RTL4: variants seen among roughly 807,000 people sequenced by gnomAD.
RTL4 encodes the protein retrotransposon Gag-like protein 4.
RTL4 carries 4 observed loss-of-function variants against 5.3 expected under a neutral mutation model. That is an observed-to-expected ratio of 0.75 (90% CI 0.37 to 1.72). RTL4 has a LOEUF of 1.72. RTL4 is among the 40% of genes most tolerant of loss of function. RTL4 has a pLI of 0.04. For synonymous variants in RTL4, 98 were observed against 87.3 expected, an observed-to-expected ratio of 1.12 and a Z score of -0.68; for missense variants, 260 against 227.1, an observed-to-expected ratio of 1.14 and a Z score of -0.93.
the RTL4 span, among the ~76,000 whole-genome samples, chrX:112,209,809 T>C: frequency 8.9e-6 from 1 of 111,747 alleles, no homozygotes; most frequent in Non-Finnish European, 1.9e-5. Flanking sequence ...TGATGACCCA[T>C]AGCCAAATGT....
chrX:112,092,031 A>G, the RTL4 span, among the ~76,000 whole-genome samples: 1 of 111,612 alleles, frequency 9.0e-6, no homozygotes, highest in Admixed American at 9.5e-5. Context: ...AGATATTATT[A>G]TAGGTATCCT....
chrX:112,448,912 G>A, the RTL4 span, among the ~76,000 whole-genome samples: 1 of 112,073 alleles, frequency 8.9e-6, no homozygotes, highest in African/African-American at 3.2e-5. Flanking sequence ...CACAGACCAT[G>A]AAGCCCATGG....
chrX:112,305,374 A>G, the RTL4 span, among the ~76,000 whole-genome samples: 2 of 103,964 alleles, frequency 1.9e-5, no homozygotes, highest in Non-Finnish European at 3.9e-5. Context: ...TTATTTATTT[A>G]TTTTTTGAGA....
At chrX:112,211,212 A>G in the RTL4 span, among the ~76,000 whole-genome samples, 1 of 112,086 alleles carries the variant, frequency 8.9e-6, no homozygotes, top group Non-Finnish European at 1.9e-5. Flanking sequence ...AATCAGAAAA[A>G]TGTTCATTTA....
the RTL4 span, among the ~76,000 whole-genome samples, chrX:112,415,559 GTTAGAAATTACTATTGTGTATATACC>G: frequency 3.6e-5 from 4 of 110,381 alleles, no homozygotes. Flanking sequence ...TGTTGTATAC[GTTAGAAATTACTATTGTGTATATACC>G]TTAGAAATTA....
At chrX:112,455,849 A>G (rs758858138) in exon 1 of RTL4, 6 of 421,894 alleles carry the variant, frequency 1.4e-5, no homozygotes, top group Non-Finnish European at 2.4e-5. Context: ...ACGAAACCTA[A>G]CCCGAGAATG....
the RTL4 span, among the ~76,000 whole-genome samples, chrX:112,330,439 C>T: frequency 9.1e-6 from 1 of 109,453 alleles, no homozygotes; most frequent in African/African-American, 3.4e-5. Context: ...CCTAGGAATC[C>T]AATTTACAAG....
chrX:112,225,220 CCTA>C, the RTL4 span, among the ~76,000 whole-genome samples: 2 of 111,552 alleles, frequency 1.8e-5, no homozygotes, highest in Admixed American at 9.6e-5. Flanking sequence ...ACGCTCCAAA[CCTA>C]CCTCTTTTTC....
At chrX:112,419,991 G>A in the RTL4 span, among the ~76,000 whole-genome samples, 1 of 110,763 alleles carries the variant, frequency 9.0e-6, no homozygotes, top group Non-Finnish European at 1.9e-5. Flanking sequence ...TTTCTTCTCT[G>A]AGAAGATCTA....
chrX:112,264,983 C>T, the RTL4 span, among the ~76,000 whole-genome samples: 3 of 112,327 alleles, frequency 2.7e-5, no homozygotes, highest in Non-Finnish European at 3.8e-5. Context: ...AGGCCAGTCT[C>T]GGCTTGGGGG....
the RTL4 span, among the ~76,000 whole-genome samples, chrX:112,233,177 C>T: frequency 8.9e-6 from 1 of 111,944 alleles, no homozygotes; most frequent in Non-Finnish European, 1.9e-5. Flanking sequence ...CACCTACCAA[C>T]AGAGTGTAAA....
the RTL4 span, among the ~76,000 whole-genome samples, chrX:112,358,186 A>T: frequency 9.1e-6 from 1 of 110,091 alleles, no homozygotes; most frequent in Non-Finnish European, 1.9e-5. Flanking sequence ...CTGCAGATTC[A>T]ACTTCTGGGG....
At chrX:112,318,063 A>C in the RTL4 span, among the ~76,000 whole-genome samples, 1 of 112,069 alleles carries the variant, frequency 8.9e-6, no homozygotes, top group Non-Finnish European at 1.9e-5. Flanking sequence ...GTGTGTGTCA[A>C]GCAAAACATC....
upstream of RTL4, chrX:112,454,477 A>G (rs1429789390): frequency 1.5e-5 from 5 of 331,958 alleles, no homozygotes; most frequent in Admixed American, 2.7e-4. Context: ...GTTCTAAGGT[A>G]ACTTATTTCT....
the RTL4 span, chrX:112,319,958 T>C: frequency 4.4e-5 from 5 of 113,004 alleles, no homozygotes; most frequent in Non-Finnish European, 9.4e-5. Flanking sequence ...AAATTGAAAC[T>C]TGGGGAAAGA....
chrX:112,140,650 A>T, the RTL4 span, among the ~76,000 whole-genome samples: 204 of 111,039 alleles, frequency 1.8e-3, 2 homozygotes, highest in African/African-American at 6.5e-3. Context: ...AATCCCATTC[A>T]TGAGGGCTCT....
chrX:112,292,578 C>A, the RTL4 span, among the ~76,000 whole-genome samples: 1 of 111,623 alleles, frequency 9.0e-6, no homozygotes, highest in Non-Finnish European at 1.9e-5. Context: ...TGATTCCTTA[C>A]CTAAAGATTT....
At chrX:112,429,401 G>A in the RTL4 span, among the ~76,000 whole-genome samples, 1 of 110,251 alleles carries the variant, frequency 9.1e-6, no homozygotes, top group African/African-American at 3.3e-5. Context: ...AACCCAAGTT[G>A]ACTTTTAAAT....
At chrX:112,256,371 A>G in the RTL4 span, among the ~76,000 whole-genome samples, 3 of 111,910 alleles carry the variant, frequency 2.7e-5, no homozygotes, top group East Asian at 8.4e-4. Flanking sequence ...ATGTACAATT[A>G]GAAATACAAA....
Sources: allele counts gnomAD v4.1 joint callset (sites outside exome capture counted in the v4.1 genomes callset), GRCh38; gene constraint gnomAD v4.1.1; transcripts MANE v1.5; gene names NCBI Gene and HGNC (gene_info 2026-07-23, HGNC 2026-07-21).